The following GRID2 variants were observed in gnomAD, a reference collection of about 807,000 sequenced individuals.
GRID2 encodes glutamate ionotropic receptor delta type subunit 2.
Under a neutral mutation model 114.8 loss-of-function variants are expected in GRID2, and 33 were observed. That is an observed-to-expected ratio of 0.29 (90% confidence interval 0.22 to 0.38). The LOEUF is 0.38. Among genes scored for constraint, GRID2 ranks in the 10% least tolerant of loss-of-function variants. GRID2 has a pLI of 1.00. For missense variants in GRID2, 1,184 were observed against 1,257.7 expected, an observed-to-expected ratio of 0.94 and a Z score of 0.89; for synonymous variants, 505 against 449.9, an observed-to-expected ratio of 1.12 and a Z score of -1.55.
At chr4:93,666,600 G>C (rs1454700534) in intron 14 of GRID2, among the ~76,000 whole-genome samples, 8 of 152,048 alleles carry the variant, frequency 5.3e-5, no homozygotes, top group Admixed American at 5.2e-4. Context: ...TAGGTTCAGA[G>C]GACAGTAAGA....
chr4:93,761,469 G>T (rs941296185), intron 14 of GRID2, among the ~76,000 whole-genome samples: 1 of 152,148 alleles, frequency 6.6e-6, no homozygotes, highest in Non-Finnish European at 1.5e-5. Flanking sequence ...TTCTACGGCT[G>T]CTTTCACACT....
intron 1 of GRID2, among the ~76,000 whole-genome samples, chr4:92,397,496 T>C (rs1299780321): frequency 6.6e-6 from 1 of 151,832 alleles, no homozygotes; most frequent in Non-Finnish European, 1.5e-5. Context: ...AATACATTGT[T>C]TACTATTGGA....
chr4:92,822,280 C>A, intron 2 of GRID2: 1 of 591,030 alleles, frequency 1.7e-6, no homozygotes, highest in African/African-American at 1.9e-5. Context: ...CATGGCATGG[C>A]ATGGCATGGC....
At chr4:93,403,943 G>T (rs111519087) in intron 9 of GRID2, among the ~76,000 whole-genome samples, 1 of 152,190 alleles carries the variant, frequency 6.6e-6, no homozygotes, top group African/African-American at 2.4e-5. Context: ...ATAGCAGCAT[G>T]GTTGATTGCA....
intron 7 of GRID2, among the ~76,000 whole-genome samples, chr4:93,228,433 C>T (rs1745748754): frequency 6.6e-6 from 1 of 152,172 alleles, no homozygotes; most frequent in Admixed American, 6.5e-5. Flanking sequence ...GTTTCTACTT[C>T]TCAATACCAT....
rs1579773574 is a variant in GRID2 at position 93,349,992 on chromosome 4, TAACAG to T, written c.1246-45612_1246-45608del. 2.0e-5 allele frequency among the ~76,000 whole-genome samples: 3 copies of T among 152,080 alleles called. No homozygotes were observed. The East Asian group carries it at 5.8e-4, about 29-fold the overall frequency. On this transcript the variant is annotated intron_variant, in intron 8 of 15. Transcript: ENST00000282020. The stretch of plus-strand genomic sequence containing the variant: ...ATTCATAATCTGATATATGGTGACT[TAACAG>T]AAGACCAGGTATCAGTGGCATGTGA...
intron 12 of GRID2, 152 bp downstream of exon 12, chr4:93,490,929 A>G (rs2149460270): frequency 1.8e-6 from 1 of 563,870 alleles, no homozygotes; most frequent in Non-Finnish European, 3.1e-6. Flanking sequence ...AGTATCACTG[A>G]TTAGTCCAAG....
chr4:93,616,402 A>T (rs1009356374), intron 13 of GRID2, among the ~76,000 whole-genome samples: 1 of 151,172 alleles, frequency 6.6e-6, no homozygotes, highest in African/African-American at 2.4e-5. Flanking sequence ...CAAAAATTAG[A>T]CCAGTGTGAT....
chr4:93,391,877 C>T (rs1228638446), intron 8 of GRID2, among the ~76,000 whole-genome samples: 1 of 151,986 alleles, frequency 6.6e-6, no homozygotes, highest in African/African-American at 2.4e-5. Flanking sequence ...CAGAATGTTA[C>T]AAGATTATTA....
intron 2 of GRID2, among the ~76,000 whole-genome samples, chr4:92,666,608 T>G (rs1732788598): frequency 1.4e-5 from 2 of 148,142 alleles, no homozygotes; most frequent in South Asian, 2.1e-4. Flanking sequence ...CTGTAGGCTA[T>G]CTCTATGCCA....
chr4:93,463,852 G>A (rs998505523), intron 11 of GRID2, among the ~76,000 whole-genome samples: 3 of 152,014 alleles, frequency 2.0e-5, no homozygotes, highest in East Asian at 3.9e-4. Context: ...AGCCAGGCGT[G>A]GTGGCGGGCA....
intron 4 of GRID2, among the ~76,000 whole-genome samples, chr4:93,187,301 G>T (rs1045988059): frequency 6.6e-6 from 1 of 151,896 alleles, no homozygotes; most frequent in African/African-American, 2.4e-5. Flanking sequence ...TTTTGAGATG[G>T]AGTCTCATTC....
chr4:93,352,240 A>C (rs1213317840), intron 8 of GRID2, among the ~76,000 whole-genome samples: 2 of 152,030 alleles, frequency 1.3e-5, no homozygotes, highest in African/African-American at 2.4e-5. Context: ...TGAACTTTAA[A>C]ATAGTTAATA....
At chr4:92,867,250 C>G (rs1744933879) in intron 2 of GRID2, among the ~76,000 whole-genome samples, 1 of 151,894 alleles carries the variant, frequency 6.6e-6, no homozygotes, top group South Asian at 2.1e-4. Flanking sequence ...AACAGCTATC[C>G]TAAGTGGTAG....
At chr4:93,107,890 A>G (rs1374047946) in intron 3 of GRID2, among the ~76,000 whole-genome samples, 2 of 152,130 alleles carry the variant, frequency 1.3e-5, no homozygotes, top group Non-Finnish European at 2.9e-5. Context: ...CAGATCCTCT[A>G]CTTGAAACTT....
At chr4:92,970,922 CAT>C (rs146234720) in intron 2 of GRID2, among the ~76,000 whole-genome samples, 27 of 148,834 alleles carry the variant, frequency 1.8e-4, no homozygotes, top group Middle Eastern at 3.5e-3. Flanking sequence ...ATTAGCATTG[CAT>C]ATATATATAT....
chr4:92,530,851 G>A (rs1725318487), intron 1 of GRID2, among the ~76,000 whole-genome samples: 1 of 151,938 alleles, frequency 6.6e-6, no homozygotes, highest in African/African-American at 2.4e-5. Context: ...AGGTTTCAGT[G>A]AGCTGAGATC....
At chr4:93,544,040 C>CA (rs1397298922) in intron 13 of GRID2, among the ~76,000 whole-genome samples, 1 of 152,150 alleles carries the variant, frequency 6.6e-6, no homozygotes, top group Non-Finnish European at 1.5e-5. Context: ...TATATTACAT[C>CA]AAATACTACT....
intron 2 of GRID2, among the ~76,000 whole-genome samples, chr4:92,716,333 T>G (rs1287227625): frequency 6.6e-6 from 1 of 152,228 alleles, no homozygotes; most frequent in Non-Finnish European, 1.5e-5. Context: ...GAGGAAGTTT[T>G]GAGCTTTGAC....
Sources: allele counts gnomAD v4.1 joint callset (sites outside exome capture counted in the v4.1 genomes callset), GRCh38; gene constraint gnomAD v4.1.1; transcripts MANE v1.5; gene names NCBI Gene and HGNC (gene_info 2026-07-23, HGNC 2026-07-21).